The following MYH15 variants were observed in gnomAD, a reference collection of about 807,000 sequenced individuals.
MYH15 encodes myosin heavy chain 15, also known as myosin-15.
Under a neutral mutation model 240.5 loss-of-function variants are expected in MYH15, and 227 were observed. That is an observed-to-expected ratio of 0.94 (90% CI 0.85 to 1.05). The LOEUF (loss-of-function observed/expected upper bound fraction) is 1.05. Ranked by LOEUF, MYH15 falls within the 50% of genes least tolerant of loss-of-function variation. MYH15 has a pLI of 0.00. For missense variants in MYH15, 2,217 were observed against 2,247.5 expected (o/e 0.99, Z 0.27); for synonymous variants, 785 against 796.7 (o/e 0.99, Z 0.25).
intron 9 of MYH15, among the ~76,000 whole-genome samples, chr3:108,490,888 T>G (rs2083340403): frequency 6.6e-6 from 1 of 150,554 alleles, no homozygotes; most frequent in South Asian, 2.1e-4. Context: ...AGATCATGGT[T>G]TTTTTTTTTT....
Position 108,383,592 on chromosome 3 carries a change from T to C in MYH15, c.5766+3A>G, listed in dbSNP as rs1242435186. The C allele has an allele frequency of 3.7e-6, 6 of 1,612,828 alleles. No homozygotes were observed. Among genetic ancestry groups the C allele is most frequent in the Non-Finnish European group, 4.2e-6 (5 of 1,179,346 alleles). On this transcript the variant is annotated splice_donor_region_variant and intron_variant, in intron 40 of 40. Transcript: ENST00000693548. ...TTAGAACAGAGTTGAATATCTGCCA[T>C]ACCTTTTTCCCAAACTCTCTTGCTT...
intron 22 of MYH15, among the ~76,000 whole-genome samples, chr3:108,443,976 C>T (rs1215184485): frequency 3.4e-5 from 3 of 88,004 alleles, no homozygotes; most frequent in Non-Finnish European, 5.9e-5. Context: ...GGAAGGGGAA[C>T]ATCACACTCT....
Position 108,428,870 on chromosome 3 carries a change from CTTTA to C in MYH15, c.3320_3323del (p.Ile1107ArgfsTer3), listed in dbSNP as rs1458596463. Reference sequence around the variant, plus strand: ...CAGCTTCTAGTTTCTCTTTCAAATCCTTTATTTGAGTCTGTAGCAAGAAATAATT... The same window carrying C: ...CAGCTTCTAGTTTCTCTTTCAAATCCTTTGAGTCTGTAGCAAGAAATAATT... On this transcript the variant is annotated frameshift_variant, in exon 27 of 41. Coordinates refer to ENST00000693548, the MANE Select transcript of MYH15 (RefSeq NM_014981.3). LOFTEE classifies it high-confidence loss of function. The C allele has an allele frequency of 1.9e-6, 3 of 1,607,746 alleles. No individual in the cohort carries two copies. The Admixed American group carries it at 5.1e-5, about 27-fold the overall frequency.
rs1255653618 is a variant in MYH15 at position 108,456,875 on chromosome 3, C to CCAGT, written c.2025_2028dup (p.Asp677ThrfsTer13). 1 of 1,608,064 alleles carries CCAGT rather than the reference C, an allele frequency of 6.2e-7. No individual in the cohort carries two copies. The highest frequency in any genetic ancestry group is 1.1e-5 in the South Asian group (1 of 90,508). On this transcript the variant is annotated frameshift_variant, in exon 19 of 41. Transcript: ENST00000693548. LOFTEE classifies it high-confidence loss of function. The stretch of plus-strand genomic sequence containing the variant: ...AACTGCTGTAGAACCAAGTAAGGGT[C>CCAGT]CAGTATACCTGGAAAAAAAAAAGAG...
In MYH15 at chr3:108,421,068, C is replaced by G. The variant is rs777747588; in HGVS notation, c.3829+20G>C. 6 of 1,613,418 alleles carry G rather than the reference C, an allele frequency of 3.7e-6. No individual in the cohort carries two copies. The highest frequency in any genetic ancestry group is 3.3e-5 in the Admixed American group (2 of 60,006). On this transcript the variant is annotated intron_variant, in intron 28 of 40. Transcript: ENST00000693548. ...CTGGGATTGAGAATTGCCTATGAGT[C>G]AAGCAGCATACTTACTTACCACTCT...
intron 23 of MYH15, 113 bp from the exon 24 acceptor site, chr3:108,440,026 CA>C: frequency 1.0e-6 from 1 of 955,280 alleles, no homozygotes. Flanking sequence ...TCCAATGTCA[CA>C]AAAAGCTGTA....
rs2083440256 is a variant in MYH15, at chr3:108,501,752, AGCACGGAT to A, written c.291_298del (p.Ser98AlafsTer58). The A allele has an allele frequency of 6.2e-7, 1 of 1,614,018 alleles. No individual in the cohort carries two copies. Among genetic ancestry groups the A allele is most frequent in the Non-Finnish European group, 8.5e-7 (1 of 1,179,988 alleles). On this transcript the variant is annotated frameshift_variant, in exon 3 of 41. Coordinates refer to ENST00000693548, the MANE Select transcript of MYH15 (RefSeq NM_014981.3). LOFTEE classifies it high-confidence loss of function. The stretch of plus-strand genomic sequence containing the variant: ...GCCATAGCGCCGCTTCAGGGTATGC[AGCACGGAT>A]GCCTCATTGAGGTGAGTCAGCATTG...
At chr3:108,495,999 A>G in intron 6 of MYH15, 127 bp from the exon 7 acceptor site, 1 of 595,330 alleles carries the variant, frequency 1.7e-6, no homozygotes, top group Non-Finnish European at 2.8e-6. Flanking sequence ...AGCTGCTTCC[A>G]AATTTGGTTA....
intron 1 of MYH15, among the ~76,000 whole-genome samples, chr3:108,507,193 C>T (rs1271301394): frequency 9.8e-5 from 12 of 122,278 alleles, no homozygotes; most frequent in African/African-American, 3.5e-4. Context: ...TATGTATATG[C>T]AATATATCAT....
upstream of MYH15, among the ~76,000 whole-genome samples, chr3:108,529,649 T>C (rs957252149): frequency 2.0e-5 from 3 of 152,198 alleles, no homozygotes; most frequent in African/African-American, 7.2e-5. Context: ...TTTAGCCCCC[T>C]ACCTAAAACA....
At chr3:108,485,026 T>TA in intron 11 of MYH15, 65 bp downstream of exon 11, 1 of 1,542,208 alleles carries the variant, frequency 6.5e-7, no homozygotes, top group South Asian at 1.2e-5. Flanking sequence ...AACTGCAAGG[T>TA]AAAGGGGAGC....
rs138167105 is a variant in MYH15, at chr3:108,388,807, T to C, written c.5535+163A>G. 6.8e-3 allele frequency among the ~76,000 whole-genome samples: 1,033 copies of C among 152,256 alleles called. 4 individuals are homozygous for C. Among genetic ancestry groups the C allele is most frequent in the Non-Finnish European group, 9.2e-3 (627 of 68,020 alleles). On this transcript the variant is annotated intron_variant, in intron 38 of 40. Coordinates refer to ENST00000693548, the MANE Select transcript of MYH15 (RefSeq NM_014981.3). ...AAAAGAGACCGATCCAAACCACTAA[T>C]AGCACAGGAGCTCTGGGAGGGTGAG...
At chr3:108,404,312 G>T (rs778628897) in intron 33 of MYH15, among the ~76,000 whole-genome samples, 37 of 151,894 alleles carry the variant, frequency 2.4e-4, no homozygotes, top group Non-Finnish European at 5.2e-4. Flanking sequence ...TGTTAACAGG[G>T]TTTTTTTTCT....
At chr3:108,523,819 G>A (rs2107270579) in intron 1 of MYH15, among the ~76,000 whole-genome samples, 1 of 151,910 alleles carries the variant, frequency 6.6e-6, no homozygotes, top group East Asian at 1.9e-4. Flanking sequence ...ATTATATACA[G>A]GCCTCTATGT....
chr3:108,411,561 C>T (rs192028250), intron 30 of MYH15, among the ~76,000 whole-genome samples: 1 of 152,252 alleles, frequency 6.6e-6, no homozygotes, highest in Admixed American at 6.5e-5. Context: ...ATCTGCTGTT[C>T]CTTGGGCATC....
At chr3:108,464,119 G>T (rs1426847020) in intron 15 of MYH15, among the ~76,000 whole-genome samples, 2 of 151,992 alleles carry the variant, frequency 1.3e-5, no homozygotes, top group African/African-American at 4.8e-5. Context: ...TTCTCTTTTT[G>T]TTCCACCAGA....
intron 1 of MYH15, among the ~76,000 whole-genome samples, chr3:108,520,968 A>G (rs779385519): frequency 2.0e-5 from 3 of 152,146 alleles, no homozygotes; most frequent in Admixed American, 6.6e-5. Flanking sequence ...TATTATTCCC[A>G]TTTTACAGAT....
intron 24 of MYH15, 94 bp from the exon 25 acceptor site, chr3:108,437,793 A>AGAAC (rs2082853785): frequency 7.4e-7 from 1 of 1,347,002 alleles, no homozygotes; most frequent in African/African-American, 1.5e-5. Context: ...GGAAAAAGAA[A>AGAAC]GACACAAGCA....
At position 108,408,318 on chromosome 3, in the gene MYH15, C is replaced by T; in HGVS notation, c.4582G>A (p.Glu1528Lys). 1.2e-6 allele frequency: 2 copies of T among 1,613,562 alleles called. No individual in the cohort carries two copies. Among genetic ancestry groups the T allele is most frequent in the Non-Finnish European group, 1.7e-6 (2 of 1,179,872 alleles). ...AGTGTCACCTGGACTTCTGTCTTCT[C>T]TTCTTCAATTAGTTTCTTGACCTTT... ...MEKVKKLIEE[E>K]KTEVQVTLEE... The change falls in exon 32 of 41, where the codon GAG (glutamate) becomes AAG (lysine). Residue 1528 changes from glutamate (E) to lysine (K), a missense_variant. By Grantham distance (56) the Glu-to-Lys change is moderately conservative. Transcript: ENST00000693548.
Sources: gnomAD v4.1 joint callset for allele counts (sites outside exome capture counted in the v4.1 genomes callset) on GRCh38, gnomAD v4.1.1 for gene constraint, MANE v1.5 for transcripts, NCBI Gene and HGNC (gene_info 2026-07-23, HGNC 2026-07-21) for gene names.